GLI3: variants seen among roughly 807,000 people sequenced by gnomAD.
GLI3 encodes GLI family zinc finger 3, also known as transcription activator GLI3.
GLI3 carries 20 observed loss-of-function variants against 100.8 expected under a neutral mutation model. The ratio of observed to expected loss-of-function variants is 0.20; its 90% CI spans 0.14 to 0.29. The LOEUF is 0.29. Ranked by LOEUF, GLI3 falls within the 10% of genes least tolerant of loss-of-function variation. The probability of loss-of-function intolerance (pLI) is 1.00; values close to 1 mark genes in which losing one functional copy is unlikely to be tolerated. For missense variants in GLI3, 2,040 were observed against 2,128.5 expected (o/e 0.96, Z 0.82); for synonymous variants, 938 against 860.5 (o/e 1.09, Z -1.58).
chr7:42,240,604 C>A (rs1788914741), upstream of GLI3, among the ~76,000 whole-genome samples: 1 of 152,174 alleles, frequency 6.6e-6, no homozygotes, highest in African/African-American at 2.4e-5. Context: ...ATATGGCATT[C>A]TCCCTTTGTC....
Position 41,964,494 on chromosome 7 carries a change from T to C in GLI3, c.4579A>G (p.Ile1527Val), listed in dbSNP as rs1787104005. The change falls in exon 15 of 15, where the codon ATC becomes GTC. Residue 1527 changes from isoleucine to valine, a missense_variant. Coordinates refer to ENST00000395925, the MANE Select transcript of GLI3 (RefSeq NM_000168.6). ...GAGCTATGGGAAAGGTTCTGAATGA[T>C]ACTTGGGCTCAGGGCCCCCGACATC... ...SLMSGALSPS[I>V]IQNLSHSSSR... The C allele has an allele frequency of 6.2e-7, 1 of 1,614,044 alleles. No individual in the cohort carries two copies. Among genetic ancestry groups the C allele is most frequent in the South Asian group, 1.1e-5 (1 of 91,086 alleles).
At chr7:42,158,968 GT>G (rs1239200524) in intron 2 of GLI3, among the ~76,000 whole-genome samples, 1 of 152,182 alleles carries the variant, frequency 6.6e-6, no homozygotes, top group Non-Finnish European at 1.5e-5. Context: ...TGTCGCTGTT[GT>G]TACTTTTGTC....
At chr7:42,088,089 G>T (rs936957690) in intron 3 of GLI3, among the ~76,000 whole-genome samples, 2 of 152,188 alleles carry the variant, frequency 1.3e-5, no homozygotes, top group African/African-American at 4.8e-5. Flanking sequence ...GGGAGTACAA[G>T]TAGAAAACAT....
chr7:41,996,435 A>G (rs1788127920), intron 10 of GLI3, among the ~76,000 whole-genome samples: 2 of 152,158 alleles, frequency 1.3e-5, no homozygotes, highest in Non-Finnish European at 2.9e-5. Flanking sequence ...GAATTCCCCA[A>G]GGGTTAGTCA....
intron 1 of GLI3, chr7:42,227,768 A>G (rs1393751159): frequency 6.6e-6 from 1 of 152,192 alleles, no homozygotes; most frequent in Non-Finnish European, 1.5e-5. Flanking sequence ...CATATTAAAC[A>G]GCACTTGCAC....
intron 2 of GLI3, 74 bp downstream of exon 2, chr7:42,223,056 C>T: frequency 6.3e-7 from 1 of 1,575,816 alleles, no homozygotes; most frequent in Non-Finnish European, 8.7e-7. Context: ...GGTGCAAACG[C>T]TCAATTCACA....
chr7:42,112,842 C>A (rs904545078), intron 3 of GLI3, among the ~76,000 whole-genome samples: 1 of 152,040 alleles, frequency 6.6e-6, no homozygotes, highest in African/African-American at 2.4e-5. Flanking sequence ...TGCATCCCAG[C>A]CTGCCCAAGA....
intron 3 of GLI3, among the ~76,000 whole-genome samples, chr7:42,135,027 A>G (rs1668863398): frequency 6.6e-6 from 1 of 152,194 alleles, no homozygotes; most frequent in Admixed American, 6.5e-5. Flanking sequence ...TCAAAGCTCT[A>G]TTGTAAAAAC....
intron 1 of GLI3, among the ~76,000 whole-genome samples, chr7:42,232,645 G>GT (rs1434152093): frequency 6.6e-6 from 1 of 152,222 alleles, no homozygotes; most frequent in Non-Finnish European, 1.5e-5. Flanking sequence ...GGACAATGAT[G>GT]TAAGTATTTT....
intron 10 of GLI3, among the ~76,000 whole-genome samples, chr7:41,999,616 T>C (rs576611120): frequency 1.3e-5 from 2 of 152,320 alleles, no homozygotes; most frequent in South Asian, 4.1e-4. Context: ...AGGACCATTC[T>C]GGCCTCTCTC....
intron 4 of GLI3, among the ~76,000 whole-genome samples, chr7:42,054,755 A>G (rs1784418096): frequency 6.6e-6 from 1 of 152,092 alleles, no homozygotes; most frequent in Non-Finnish European, 1.5e-5. Flanking sequence ...AGGCTGAAGC[A>G]GAAGGATCAC....
At chr7:42,263,232 G>T (rs1183964275) in intron 1 of GLI3, among the ~76,000 whole-genome samples, 2 of 152,158 alleles carry the variant, frequency 1.3e-5, no homozygotes, top group Non-Finnish European at 1.5e-5. Context: ...GCTATGACAA[G>T]AGCTCAAAGG....
At chr7:42,001,678 G>A (rs191120938) in intron 10 of GLI3, among the ~76,000 whole-genome samples, 1 of 152,142 alleles carries the variant, frequency 6.6e-6, no homozygotes, top group African/African-American at 2.4e-5. Flanking sequence ...GGAACCCAGC[G>A]TTGAAGTCAA....
chr7:42,056,392 A>T (rs1784461916), intron 4 of GLI3, among the ~76,000 whole-genome samples: 1 of 152,208 alleles, frequency 6.6e-6, no homozygotes, highest in African/African-American at 2.4e-5. Flanking sequence ...GGCACAGCTA[A>T]AAAGCATTCA....
intron 2 of GLI3, among the ~76,000 whole-genome samples, chr7:42,177,933 C>T (rs576757857): frequency 2.6e-5 from 4 of 152,340 alleles, no homozygotes; most frequent in East Asian, 3.9e-4. Context: ...CACGCAACCC[C>T]GCTAAGTGTG....
At chr7:42,056,030 T>C (rs1038777305) in intron 4 of GLI3, among the ~76,000 whole-genome samples, 2 of 152,138 alleles carry the variant, frequency 1.3e-5, no homozygotes, top group African/African-American at 4.8e-5. Flanking sequence ...GGAGTTTCCC[T>C]GCACGGGCTC....
chr7:42,008,631 C>T (rs548313946), intron 10 of GLI3, among the ~76,000 whole-genome samples: 30 of 152,298 alleles, frequency 2.0e-4, no homozygotes, highest in African/African-American at 6.7e-4. Context: ...CCACTCTACA[C>T]GAGGCAAGTC....
chr7:42,199,894 A>G (rs1311704665), intron 2 of GLI3, among the ~76,000 whole-genome samples: 1 of 152,128 alleles, frequency 6.6e-6, no homozygotes, highest in Non-Finnish European at 1.5e-5. Context: ...CGTCTCTACT[A>G]AAAATACAAA....
At chr7:42,180,173 C>T (rs1172495622) in intron 2 of GLI3, among the ~76,000 whole-genome samples, 1 of 152,052 alleles carries the variant, frequency 6.6e-6, no homozygotes, top group African/African-American at 2.4e-5. Flanking sequence ...ACAGAGAAGG[C>T]CCAGCTATCA....
Sources: allele counts gnomAD v4.1 joint callset (sites outside exome capture counted in the v4.1 genomes callset), GRCh38; gene constraint gnomAD v4.1.1; transcripts MANE v1.5; gene names NCBI Gene and HGNC (gene_info 2026-07-23, HGNC 2026-07-21).